PIAS2: variants seen among roughly 807,000 people sequenced by gnomAD.
The protein encoded by PIAS2 is protein inhibitor of activated STAT 2, also known as E3 SUMO-protein ligase PIAS2.
PIAS2 carries 19 observed loss-of-function variants against 69.7 expected under a neutral mutation model. The ratio of observed to expected loss-of-function variants is 0.27; its 90% CI spans 0.19 to 0.40. The LOEUF is 0.40. Ranked by LOEUF, PIAS2 falls within the 10% of genes least tolerant of loss-of-function variation. The probability of loss-of-function intolerance (pLI) is 1.00; values close to 1 mark genes in which losing one functional copy is unlikely to be tolerated. For synonymous variants in PIAS2, 261 were observed against 263.2 expected, an observed-to-expected ratio of 0.99 and a Z score of 0.08; for missense variants, 624 against 757.0, an observed-to-expected ratio of 0.82 and a Z score of 2.06.
At chr18:46,916,615 CTTGTT>C (rs1165347954) in intron 1 of PIAS2, among the ~76,000 whole-genome samples, 3 of 152,134 alleles carry the variant, frequency 2.0e-5, no homozygotes, top group Non-Finnish European at 2.9e-5. Flanking sequence ...AAGTTATGAT[CTTGTT>C]TTAAGACTGA....
intron 8 of PIAS2, 28 bp downstream of exon 8, chr18:46,844,026 C>G (rs535643189): frequency 2.2e-6 from 3 of 1,342,900 alleles, no homozygotes; most frequent in Non-Finnish European, 3.0e-6. Flanking sequence ...AAGTCAAATT[C>G]CCCAAAATGT....
intron 1 of PIAS2, chr18:46,891,586 AC>A (rs1463674558): frequency 1.7e-6 from 1 of 603,266 alleles, no homozygotes; most frequent in Non-Finnish European, 2.1e-6. Flanking sequence ...TCAAACATTA[AC>A]AAACAAACAA....
At chr18:46,857,624 AAG>A (rs1457453255) in intron 3 of PIAS2, among the ~76,000 whole-genome samples, 3 of 152,218 alleles carry the variant, frequency 2.0e-5, no homozygotes, top group Non-Finnish European at 4.4e-5. Context: ...AGAAAGAGAA[AAG>A]ACAAGACATG....
At chr18:46,912,776 G>A (rs1225438936) in intron 1 of PIAS2, among the ~76,000 whole-genome samples, 1 of 151,976 alleles carries the variant, frequency 6.6e-6, no homozygotes, top group Non-Finnish European at 1.5e-5. Flanking sequence ...AAACAAAAAT[G>A]GTTAAAAGCA....
chr18:46,852,692 G>C (rs2047147070), intron 5 of PIAS2: 1 of 152,186 alleles, frequency 6.6e-6, no homozygotes, highest in Non-Finnish European at 1.5e-5. Flanking sequence ...TGGTACTGTA[G>C]ACCTCCTACA....
chr18:46,824,097 C>A (rs928574726), intron 11 of PIAS2, among the ~76,000 whole-genome samples: 5 of 152,146 alleles, frequency 3.3e-5, no homozygotes, highest in Non-Finnish European at 5.9e-5. Context: ...ATATTTTAAA[C>A]GTTTGTAACT....
At position 46,803,528 on chromosome 18, in the gene PIAS2, C is replaced by T. The variant is rs79342099; in HGVS notation, c.*8905G>A. 6.6e-6 allele frequency: 1 copy of T among 152,282 alleles called. No homozygotes were observed. Among genetic ancestry groups the T allele is most frequent in the East Asian group, 1.9e-4 (1 of 5,186 alleles). 9.4% of individuals were successfully genotyped at this position (152,282 alleles called of 1,614,324 possible). Reference sequence around the variant, plus strand: ...ATGAGTTCATCCACTTTCATAGTTTCAGTGCTACTACCCATCAATTGGTAG... The same window carrying T: ...ATGAGTTCATCCACTTTCATAGTTTTAGTGCTACTACCCATCAATTGGTAG... On this transcript the variant is annotated 3_prime_UTR_variant, in exon 14 of 14. Coordinates refer to ENST00000585916, the MANE Select transcript of PIAS2 (RefSeq NM_004671.5).
At chr18:46,868,422 G>GA (rs1399425796) in intron 2 of PIAS2, among the ~76,000 whole-genome samples, 2 of 152,074 alleles carry the variant, frequency 1.3e-5, no homozygotes, top group African/African-American at 4.8e-5. Context: ...TCTCCCTGCC[G>GA]AAACTACCCT....
At chr18:46,880,020 T>A (rs898065365) in intron 2 of PIAS2, among the ~76,000 whole-genome samples, 4 of 151,578 alleles carry the variant, frequency 2.6e-5, no homozygotes, top group African/African-American at 9.7e-5. Flanking sequence ...CAGCGATGGT[T>A]CCAACAATAT....
intron 2 of PIAS2, among the ~76,000 whole-genome samples, chr18:46,890,371 G>C (rs1016028968): frequency 3.3e-5 from 5 of 152,178 alleles, no homozygotes; most frequent in African/African-American, 1.2e-4. Context: ...TACAATAAAA[G>C]AATTGGAGAA....
chr18:46,872,079 T>C (rs1224995169), intron 2 of PIAS2, among the ~76,000 whole-genome samples: 1 of 152,188 alleles, frequency 6.6e-6, no homozygotes, highest in Middle Eastern at 3.2e-3. Flanking sequence ...GCCTAAAACC[T>C]GTAGTCGAAG....
chr18:46,860,243 T>G (rs747541966), intron 3 of PIAS2, among the ~76,000 whole-genome samples: 6 of 152,320 alleles, frequency 3.9e-5, no homozygotes, highest in East Asian at 1.9e-4. Context: ...AGTATGAGAA[T>G]TTCCTAAATC....
chr18:46,808,607 A>G lies in PIAS2; in HGVS notation c.*3826T>C, dbSNP rs1163354657. 2 of 152,190 alleles carry G rather than the reference A, an allele frequency of 1.3e-5. No homozygotes were observed. Among genetic ancestry groups the G allele is most frequent in the Admixed American group, 1.3e-4 (2 of 15,282 alleles). 9.4% of individuals were successfully genotyped at this position (152,190 alleles called of 1,614,324 possible). A position where few individuals can be genotyped will look rare whatever the true frequency, so the allele number is the denominator to read the frequency against. Reference sequence around the variant, plus strand: ...GAATCAGGCTGAATCAATCTAAATAACAACTTAAGGCTCCCAAATCACATG... The same window carrying G: ...GAATCAGGCTGAATCAATCTAAATAGCAACTTAAGGCTCCCAAATCACATG... On this transcript the variant is annotated 3_prime_UTR_variant, in exon 14 of 14. Transcript: ENST00000585916.
chr18:46,869,763 A>C (rs2050051379), intron 2 of PIAS2, among the ~76,000 whole-genome samples: 1 of 152,130 alleles, frequency 6.6e-6, no homozygotes, highest in Non-Finnish European at 1.5e-5. Flanking sequence ...TCACACCCTC[A>C]GTTTTCTGGC....
chr18:46,860,672 G>A (rs753157140), intron 3 of PIAS2, among the ~76,000 whole-genome samples: 4 of 152,076 alleles, frequency 2.6e-5, no homozygotes, highest in Admixed American at 6.5e-5. Context: ...TGTTATAAAC[G>A]AATAAACGGG....
chr18:46,917,041 G>A, intron 1 of PIAS2: 1 of 987,856 alleles, frequency 1.0e-6, no homozygotes, highest in Non-Finnish European at 1.2e-6. Context: ...GCCCCTCCTG[G>A]AGGGCGCCCC....
At position 46,807,364 on chromosome 18, in the gene PIAS2, TA is replaced by T. The variant is rs2040739061; in HGVS notation, c.*5068del. 3 of 26,634 alleles carry T rather than the reference TA, an allele frequency of 1.1e-4. No individual in the cohort carries two copies. The highest frequency in any genetic ancestry group is 7.5e-4 in the African/African-American group (3 of 3,990). The allele number at this position is 26,634 out of a possible 1,614,324, so 1.6% of individuals were successfully genotyped here. A position where few individuals can be genotyped will look rare whatever the true frequency, so the allele number is the denominator to read the frequency against. On this transcript the variant is annotated 3_prime_UTR_variant, in exon 14 of 14. Coordinates refer to ENST00000585916, the MANE Select transcript of PIAS2 (RefSeq NM_004671.5). Reference sequence around the variant, plus strand: ...TGAAACATGTCAGATTTTATATATATATATATATATATATATATATTTTTTT... The same window carrying T: ...TGAAACATGTCAGATTTTATATATATTATATATATATATATATATTTTTTT...
At chr18:46,832,382 C>G (rs1381691999) in intron 9 of PIAS2, among the ~76,000 whole-genome samples, 1 of 151,870 alleles carries the variant, frequency 6.6e-6, no homozygotes, top group Non-Finnish European at 1.5e-5. Flanking sequence ...TGCCACTGCA[C>G]TCCAGCCTGG....
intron 8 of PIAS2, among the ~76,000 whole-genome samples, chr18:46,838,827 AC>A (rs2044854759): frequency 6.6e-6 from 1 of 152,344 alleles, no homozygotes; most frequent in Admixed American, 6.5e-5. Context: ...GAGCTATATC[AC>A]AAATCCAAAT....
Sources: gnomAD v4.1 joint callset for allele counts (sites outside exome capture counted in the v4.1 genomes callset) on GRCh38, gnomAD v4.1.1 for gene constraint, MANE v1.5 for transcripts, NCBI Gene and HGNC (gene_info 2026-07-23, HGNC 2026-07-21) for gene names.